GSE1: variants seen among roughly 807,000 people sequenced by gnomAD.
GSE1 encodes Gse1 coiled-coil protein, also known as genetic suppressor element 1.
Under a neutral mutation model 112.6 loss-of-function variants are expected in GSE1, and 32 were observed. That is an observed-to-expected ratio of 0.28 (90% CI 0.21 to 0.38). The LOEUF is 0.38. Ranked by LOEUF, GSE1 falls within the 10% of genes least tolerant of loss-of-function variation. The pLI, the probability that GSE1 is intolerant of heterozygous loss-of-function variation, is 1.00. For missense variants in GSE1, 2,348 were observed against 1,699.2 expected (o/e 1.38, Z -6.71); for synonymous variants, 1,115 against 735.6 (o/e 1.52, Z -8.35).
intron 2 of GSE1, among the ~76,000 whole-genome samples, chr16:85,410,544 C>T (rs1272728541): frequency 2.0e-4 from 3 of 14,946 alleles, no homozygotes; most frequent in African/African-American, 3.4e-4. Context: ...GGATAATCCT[C>T]ACTGTTGCAC....
chr16:85,364,128 C>A (rs1160703768), intron 2 of GSE1, among the ~76,000 whole-genome samples: 1 of 152,212 alleles, frequency 6.6e-6, no homozygotes, highest in African/African-American at 2.4e-5. Context: ...CTTCTGGGGG[C>A]TCCAGGGGAG....
At chr16:85,610,375 G>A (rs962768891), upstream of GSE1, among the ~76,000 whole-genome samples, 1 of 152,220 alleles carries the variant, frequency 6.6e-6, no homozygotes, top group African/African-American at 2.4e-5. Context: ...CTGGGGGCGC[G>A]GGGCTGTGGG....
At chr16:85,327,429 C>A (rs541462392) in intron 1 of GSE1, among the ~76,000 whole-genome samples, 1 of 152,136 alleles carries the variant, frequency 6.6e-6, no homozygotes, top group South Asian at 2.1e-4. Context: ...ATGGTGAAAC[C>A]CTGTCTCTTC....
At chr16:85,550,053 C>G (rs1188435651) in intron 2 of GSE1, among the ~76,000 whole-genome samples, 2 of 152,238 alleles carry the variant, frequency 1.3e-5, no homozygotes, top group African/African-American at 2.4e-5. Context: ...CATGGAGTCT[C>G]TGTGTGCCAG....
intron 2 of GSE1, among the ~76,000 whole-genome samples, chr16:85,643,003 T>G (rs2050568197): frequency 6.6e-6 from 1 of 151,902 alleles, no homozygotes; most frequent in African/African-American, 2.4e-5. Flanking sequence ...CTTCAGGGGG[T>G]GCCGGTGGTT....
chr16:85,183,567 T>A (rs2074639166), intron 1 of GSE1, among the ~76,000 whole-genome samples: 1 of 152,220 alleles, frequency 6.6e-6, no homozygotes, highest in Non-Finnish European at 1.5e-5. Context: ...GATTTGGTGA[T>A]CTGGCCGTCC....
At chr16:85,579,038 C>T (rs1033215542) in intron 1 of GSE1, among the ~76,000 whole-genome samples, 147 of 152,334 alleles carry the variant, frequency 9.6e-4, no homozygotes, top group African/African-American at 3.4e-3. Context: ...CACCTCTCTG[C>T]AGGTCAAAAG....
At chr16:85,217,928 G>T (rs1289183212) in intron 1 of GSE1, among the ~76,000 whole-genome samples, 1 of 151,830 alleles carries the variant, frequency 6.6e-6, no homozygotes, top group Admixed American at 6.6e-5. Flanking sequence ...TTGAAACAGA[G>T]TCTTGTTCTG....
rs998716723 is a variant in GSE1 at position 85,349,973 on chromosome 16, G to A, written c.2284-7490G>A. 2.0e-5 allele frequency among the ~76,000 whole-genome samples: 3 copies of A among 152,204 alleles called. No individual in the cohort carries two copies. In the South Asian group the frequency reaches 6.2e-4, roughly 31 times the overall value. On this transcript the variant is annotated intron_variant, in intron 1 of 2. Transcript: ENST00000637419. The stretch of plus-strand genomic sequence containing the variant: ...TACTGTGCCCTGGACACTGTGCGGG[G>A]ACTAGGTACTTGACAGAGGACACAT...
chr16:85,425,933 C>T (rs1333039417), intron 2 of GSE1, among the ~76,000 whole-genome samples: 1 of 152,188 alleles, frequency 6.6e-6, no homozygotes, highest in East Asian at 1.9e-4. Context: ...CACAGTTGTT[C>T]AGCTTGTCAG....
intron 1 of GSE1, among the ~76,000 whole-genome samples, chr16:85,627,993 G>A (rs1032779828): frequency 2.0e-5 from 3 of 152,100 alleles, no homozygotes; most frequent in Non-Finnish European, 2.9e-5. Context: ...CCGAGGCCTC[G>A]GGGGCAGCAG....
intron 1 of GSE1, among the ~76,000 whole-genome samples, chr16:85,632,334 C>G (rs997966093): frequency 1.3e-5 from 2 of 152,132 alleles, no homozygotes; most frequent in African/African-American, 4.8e-5. Context: ...AACTCGTTCC[C>G]GCCTCTCTGT....
At chr16:85,355,786 A>G (rs909900923) in intron 1 of GSE1, among the ~76,000 whole-genome samples, 2 of 152,268 alleles carry the variant, frequency 1.3e-5, no homozygotes, top group East Asian at 3.9e-4. Flanking sequence ...TTTGGGAGGC[A>G]GAAGCAGGCG....
At chr16:85,346,453 A>G (rs1423730476) in intron 1 of GSE1, among the ~76,000 whole-genome samples, 1 of 144,430 alleles carries the variant, frequency 6.9e-6, no homozygotes, top group Admixed American at 6.9e-5. Context: ...GAGTGGATGG[A>G]TGGGCTGATG....
chr16:85,251,107 A>T (rs1906424850), intron 1 of GSE1, among the ~76,000 whole-genome samples: 1 of 152,050 alleles, frequency 6.6e-6, no homozygotes, highest in Non-Finnish European at 1.5e-5. Context: ...GTTATGAATC[A>T]CCCGGCTGTG....
intron 2 of GSE1, among the ~76,000 whole-genome samples, chr16:85,410,476 G>A (rs78573775): frequency 7.1e-4 from 1 of 1,416 alleles, no homozygotes; most frequent in Non-Finnish European, 3.6e-3. Context: ...CCTGGATAAT[G>A]CTCACTGTTA....
intron 1 of GSE1, among the ~76,000 whole-genome samples, chr16:85,596,107 C>T (rs1055443701): frequency 1.1e-4 from 17 of 151,806 alleles, no homozygotes; most frequent in African/African-American, 4.1e-4. Context: ...CACTGTCTAT[C>T]CGTGGTCCCT....
At position 85,654,906 on chromosome 16, in the gene GSE1, C is replaced by G. The variant is rs193274121; in HGVS notation, c.712C>G (p.Pro238Ala). 5.0e-6 allele frequency: 8 copies of G among 1,611,758 alleles called. No individual in the cohort carries two copies. The highest frequency in any genetic ancestry group is 1.3e-5 in the African/African-American group (1 of 74,886). The change falls in exon 5 of 16, where the codon CCC becomes GCC. Residue 238 changes from proline (P) to alanine (A), a missense_variant. By Grantham distance (27) the Pro-to-Ala change is conservative. Coordinates refer to ENST00000253458, the MANE Select transcript of GSE1 (RefSeq NM_014615.5). ...CGACCTCCGCATGTCCTCACTGCCTCCCCTCGGCCTGGACCCGGCCACTGC... is the reference window on the plus strand; with the variant it reads ...CGACCTCCGCATGTCCTCACTGCCTGCCCTCGGCCTGGACCCGGCCACTGC... ...TDDLRMSSLPPLGLDPATAAA... is the reference protein window; with the variant it reads ...TDDLRMSSLPALGLDPATAAA...
chr16:85,577,532 T>A (rs1196250415), intron 1 of GSE1, among the ~76,000 whole-genome samples: 1 of 152,168 alleles, frequency 6.6e-6, no homozygotes, highest in East Asian at 1.9e-4. Flanking sequence ...AGTACCTGCA[T>A]GGGCTCATTT....
Sources: gnomAD v4.1 joint callset for allele counts (sites outside exome capture counted in the v4.1 genomes callset) on GRCh38, gnomAD v4.1.1 for gene constraint, MANE v1.5 for transcripts, NCBI Gene and HGNC (gene_info 2026-07-23, HGNC 2026-07-21) for gene names.